Variants in ABL1 observed in about 807,000 individuals in gnomAD.
The protein encoded by ABL1 is tyrosine-protein kinase ABL1.
ABL1 carries 11 observed loss-of-function variants against 94.7 expected under a neutral mutation model. The ratio of observed to expected loss-of-function variants is 0.12; its 90% confidence interval spans 0.07 to 0.19. The LOEUF (loss-of-function observed/expected upper bound fraction) is 0.19, where lower values mean the gene tolerates loss of function less well. Among genes scored for constraint, ABL1 ranks in the 10% least tolerant of loss-of-function variants. The pLI is 1.00. For missense variants in ABL1, 1,082 were observed against 1,489.4 expected, an observed-to-expected ratio of 0.73 and a Z score of 4.50; for synonymous variants, 656 against 622.4, an observed-to-expected ratio of 1.05 and a Z score of -0.80.
chr9:130,780,453 T>C lies in ABL1; in HGVS notation c.136+65998T>C, dbSNP rs369485498. On this transcript the variant is annotated intron_variant, in intron 1 of 10. Coordinates refer to the ABL1 transcript ENST00000372348. ...TGAAGCCATATTTACCTTTGTGATA[T>C]TGGGGCTGATCTTGGAGCTGTCTGG... 2.4e-4 allele frequency among the ~76,000 whole-genome samples: 36 copies of C among 152,306 alleles called. No homozygotes were observed. In the East Asian group the frequency reaches 4.6e-3, roughly 20 times the overall value.
rs1294355340 is a variant in ABL1, at chr9:130,814,632, C to CT, written c.137-39429dup. The stretch of plus-strand genomic sequence containing the variant: ...GTGGCTTACGCCTGTAATCCCAGCA[C>CT]TTTGGTAGGCCGAGGTGGGCGGATC... On this transcript the variant is annotated intron_variant, in intron 1 of 10. Transcript: ENST00000372348. This position sits in a 1 kb window ranked among gnomAD's most constrained non-coding sequence, Gnocchi z 4.4. Among the ~76,000 whole-genome samples the CT allele has an allele frequency of 6.6e-6, 1 of 152,212 alleles. No homozygotes were observed. Among genetic ancestry groups the CT allele is most frequent in the Non-Finnish European group, 1.5e-5 (1 of 68,040 alleles).
chr9:130,863,002 A>G lies in ABL1; in HGVS notation c.789A>G (p.Lys263=). The G allele has an allele frequency of 1.2e-6, 2 of 1,612,430 alleles. No individual in the cohort carries two copies. Among genetic ancestry groups the G allele is most frequent in the East Asian group, 2.2e-5 (1 of 44,830 alleles). Residue 263 remains lysine (K), a synonymous_variant, in exon 4 of 11, where the codon AAA becomes AAG. Coordinates refer to ENST00000318560, the MANE Select transcript of ABL1 (RefSeq NM_005157.6). This position sits in a 1 kb window ranked among gnomAD's most constrained non-coding sequence, Gnocchi z 4.3. ...AGGTGTACGAGGGCGTGTGGAAGAAATACAGCCTGACGGTGGCCGTGAAGA... is the reference window on the plus strand; with the variant it reads ...AGGTGTACGAGGGCGTGTGGAAGAAGTACAGCCTGACGGTGGCCGTGAAGA... ...YGEVYEGVWK[K]YSLTVAVKTL... is the part of the protein sequence containing the mutation.
intron 10 of ABL1, among the ~76,000 whole-genome samples, chr9:130,883,429 G>A (rs182768097): frequency 2.2e-3 from 335 of 151,976 alleles, no homozygotes; most frequent in Middle Eastern, 6.8e-3. Context: ...CCTGGGAGGC[G>A]GAGGTTGCAG....
chr9:130,752,983 G>T (rs1332890419), intron 1 of ABL1, among the ~76,000 whole-genome samples: 1 of 149,960 alleles, frequency 6.7e-6, no homozygotes, highest in Non-Finnish European at 1.5e-5. Flanking sequence ...AGGGCTGGGC[G>T]CAGTGGCTCA....
chr9:130,880,442 G>A lies in ABL1; in HGVS notation c.1514-58G>A. The A allele has an allele frequency of 6.3e-7, 1 of 1,592,954 alleles. No individual in the cohort carries two copies. The highest frequency in any genetic ancestry group is 8.6e-7 in the Non-Finnish European group (1 of 1,166,024). ...CAAAGAAAGAGAACCACCACACCAA[G>A]CCAACACCAGTACTGATGGCTGCTG... On this transcript the variant is annotated intron_variant, in intron 9 of 10. Transcript: ENST00000318560. This position sits in a 1 kb window ranked among gnomAD's most constrained non-coding sequence, Gnocchi z 4.4.
chr9:130,875,646 C>A (rs920401587), intron 7 of ABL1, among the ~76,000 whole-genome samples: 5 of 152,066 alleles, frequency 3.3e-5, no homozygotes, highest in African/African-American at 1.2e-4. Flanking sequence ...TTAATATGTT[C>A]CTCTGACTTC....
intron 1 of ABL1, among the ~76,000 whole-genome samples, chr9:130,722,628 C>G (rs1219248533): frequency 6.6e-6 from 1 of 152,024 alleles, no homozygotes; most frequent in Non-Finnish European, 1.5e-5. Context: ...GCAATGGGAT[C>G]GTACAGGTGA....
intron 1 of ABL1, chr9:130,724,782 C>G: frequency 2.5e-6 from 1 of 394,088 alleles, no homozygotes; most frequent in Non-Finnish European, 4.9e-6. Flanking sequence ...CAAATAAATT[C>G]TTGAGATGAA....
At chr9:130,875,814 C>T (rs1386622674) in intron 7 of ABL1, among the ~76,000 whole-genome samples, 1 of 152,050 alleles carries the variant, frequency 6.6e-6, no homozygotes, top group East Asian at 1.9e-4. Context: ...TTCCTCCCCT[C>T]TCCCTCCCCT....
In ABL1 at chr9:130,856,742, G is replaced by A. The variant is rs1283462718; in HGVS notation, c.549+1646G>A. 9.2e-5 allele frequency among the ~76,000 whole-genome samples: 14 copies of A among 152,264 alleles called. No homozygotes were observed. The South Asian group carries it at 2.9e-3, about 32-fold the overall frequency. On this transcript the variant is annotated intron_variant, in intron 3 of 10. Coordinates refer to ENST00000318560, the MANE Select transcript of ABL1 (RefSeq NM_005157.6). ...AAAGGCACGCAAATGATACATGCAC[G>A]CGAATGCATCATGCTTCTCCCGTGT...
At chr9:130,734,835 C>T (rs1205605746) in intron 1 of ABL1, among the ~76,000 whole-genome samples, 1 of 152,018 alleles carries the variant, frequency 6.6e-6, no homozygotes, top group Non-Finnish European at 1.5e-5. Flanking sequence ...ATTGAATATT[C>T]TTACCCTTTG....
At position 130,719,085 on chromosome 9, in the gene ABL1, A is replaced by G. The variant is rs572388497; in HGVS notation, c.136+4630A>G. 6.8e-4 allele frequency among the ~76,000 whole-genome samples: 104 copies of G among 152,278 alleles called. No homozygotes were observed. In the South Asian group the frequency reaches 0.013, roughly 19 times the overall value. On this transcript the variant is annotated intron_variant, in intron 1 of 10. Transcript: ENST00000372348. ...TTGTGTATGTCCAGGAAAAAAAAGT[A>G]TGGAAGGATTTTACACCGAAATTTT...
At chr9:130,719,067 T>A (rs952100629) in intron 1 of ABL1, among the ~76,000 whole-genome samples, 3 of 152,178 alleles carry the variant, frequency 2.0e-5, no homozygotes, top group Non-Finnish European at 4.4e-5. Context: ...TATTTGTGTA[T>A]GTCCAGGAAA....
chr9:130,803,344 C>CT (rs1233289992), intron 1 of ABL1, among the ~76,000 whole-genome samples: 1 of 152,158 alleles, frequency 6.6e-6, no homozygotes, highest in Non-Finnish European at 1.5e-5. Context: ...AGCCGGCTCT[C>CT]TTTGTTATTC....
At chr9:130,811,104 TA>T (rs34248793) in intron 1 of ABL1, among the ~76,000 whole-genome samples, 5,519 of 144,890 alleles carry the variant, frequency 0.038, 304 homozygotes, top group African/African-American at 0.13. Context: ...TTTCAGACTT[TA>T]AAAAAAAAAA....
At chr9:130,754,049 T>C (rs558055062) in intron 1 of ABL1, among the ~76,000 whole-genome samples, 3 of 140,312 alleles carry the variant, frequency 2.1e-5, no homozygotes, top group African/African-American at 8.0e-5. Context: ...TACTAAAATA[T>C]AAAAAAAATT....
chr9:130,800,047 A>AT (rs1830034525), intron 1 of ABL1, among the ~76,000 whole-genome samples: 1 of 151,590 alleles, frequency 6.6e-6, no homozygotes, highest in Non-Finnish European at 1.5e-5. Flanking sequence ...TAATTTTTGT[A>AT]TTTTTTAGGA....
At chr9:130,881,595 T>C (rs767286180) in intron 10 of ABL1, among the ~76,000 whole-genome samples, 2 of 152,140 alleles carry the variant, frequency 1.3e-5, no homozygotes, top group African/African-American at 2.4e-5. Flanking sequence ...CCATGATTCA[T>C]TGATCTCCAC....
chr9:130,846,211 G>A (rs1830769190), intron 1 of ABL1, among the ~76,000 whole-genome samples: 1 of 152,010 alleles, frequency 6.6e-6, no homozygotes, highest in South Asian at 2.1e-4. Flanking sequence ...CTTTCATCAA[G>A]CTCAAAATGT....
Sources: allele counts gnomAD v4.1 joint callset (sites outside exome capture counted in the v4.1 genomes callset), GRCh38; gene constraint gnomAD v4.1.1; non-coding constraint Gnocchi (gnomAD v3.1); transcripts MANE v1.5; gene names NCBI Gene and HGNC (gene_info 2026-07-23, HGNC 2026-07-21).